Variants in DOK6 observed in about 807,000 individuals in gnomAD.
DOK6 encodes downstream of tyrosine kinase 6.
DOK6 carries 22 observed loss-of-function variants against 44.0 expected under a neutral mutation model. The observed-to-expected ratio is 0.50, with a 90% CI of 0.36 to 0.71. The LOEUF is 0.71. Among genes scored for constraint, DOK6 ranks in the 30% least tolerant of loss-of-function variants. The probability of loss-of-function intolerance (pLI) is 0.00; values close to 1 mark genes in which losing one functional copy is unlikely to be tolerated. For synonymous variants in DOK6, 166 were observed against 145.5 expected (o/e 1.14, Z -1.01); for missense variants, 340 against 416.4 (o/e 0.82, Z 1.60).
At chr18:69,625,476 G>A (rs1047887428) in intron 3 of DOK6, among the ~76,000 whole-genome samples, 2 of 152,152 alleles carry the variant, frequency 1.3e-5, no homozygotes, top group African/African-American at 4.8e-5. Flanking sequence ...CCTATACCTA[G>A]CTAGCATTGC....
intron 1 of DOK6, among the ~76,000 whole-genome samples, chr18:69,495,452 G>A (rs1980856067): frequency 6.6e-6 from 1 of 152,226 alleles, no homozygotes; most frequent in Admixed American, 6.5e-5. Flanking sequence ...GAATACCTCA[G>A]AGGAGGCCCT....
At chr18:69,705,918 TAA>T (rs34296321) in intron 5 of DOK6, among the ~76,000 whole-genome samples, 204 of 145,802 alleles carry the variant, frequency 1.4e-3, no homozygotes, top group South Asian at 2.6e-3. Context: ...TAAATGTGAT[TAA>T]AAAAAAAAAA....
intron 5 of DOK6, among the ~76,000 whole-genome samples, chr18:69,728,728 T>C (rs1413526633): frequency 6.6e-6 from 1 of 152,204 alleles, no homozygotes; most frequent in Non-Finnish European, 1.5e-5. Flanking sequence ...AAGGTCTCCT[T>C]GGATCTGCTG....
chr18:69,684,168 A>G (rs1270727508), intron 4 of DOK6, among the ~76,000 whole-genome samples: 2 of 152,196 alleles, frequency 1.3e-5, no homozygotes, highest in African/African-American at 4.8e-5. Flanking sequence ...GACACCACCT[A>G]TAAATTTGAA....
intron 3 of DOK6, chr18:69,662,455 G>A (rs1204929514): frequency 6.6e-6 from 1 of 152,184 alleles, no homozygotes; most frequent in East Asian, 1.9e-4. Context: ...AAAGCACTTT[G>A]AAAATGTTTT....
At chr18:69,449,077 T>G (rs893589671) in intron 1 of DOK6, among the ~76,000 whole-genome samples, 2 of 152,242 alleles carry the variant, frequency 1.3e-5, no homozygotes, top group African/African-American at 2.4e-5. Flanking sequence ...ATCCTAGAGA[T>G]CTTTCGCTCT....
intron 2 of DOK6, among the ~76,000 whole-genome samples, chr18:69,574,261 A>G (rs759861197): frequency 6.6e-6 from 1 of 152,004 alleles, no homozygotes; most frequent in Non-Finnish European, 1.5e-5. Flanking sequence ...GACCAGGAGG[A>G]GACTTGACTA....
chr18:69,614,520 C>T (rs990079649), intron 3 of DOK6, among the ~76,000 whole-genome samples: 7 of 148,916 alleles, frequency 4.7e-5, no homozygotes, highest in South Asian at 2.1e-4. Flanking sequence ...TGTCACTTCA[C>T]GTAATTATCA....
chr18:69,473,830 C>T (rs9956254), intron 1 of DOK6, among the ~76,000 whole-genome samples: 1 of 152,048 alleles, frequency 6.6e-6, no homozygotes, highest in Non-Finnish European at 1.5e-5. Flanking sequence ...CTGTCTCCTA[C>T]GATTACAAAT....
At chr18:69,556,871 C>T (rs1048161622) in intron 1 of DOK6, among the ~76,000 whole-genome samples, 2 of 152,200 alleles carry the variant, frequency 1.3e-5, no homozygotes, top group East Asian at 1.9e-4. Context: ...GCACTGACTA[C>T]TTTTTTACAC....
intron 3 of DOK6, among the ~76,000 whole-genome samples, chr18:69,638,120 A>G (rs887197562): frequency 3.3e-5 from 5 of 152,260 alleles, no homozygotes; most frequent in African/African-American, 1.2e-4. Flanking sequence ...TAAGTCAGAT[A>G]GTAAACATTT....
chr18:69,627,973 A>G (rs1195007779), intron 3 of DOK6, among the ~76,000 whole-genome samples: 1 of 152,260 alleles, frequency 6.6e-6, no homozygotes, highest in African/African-American at 2.4e-5. Context: ...TAGAAAAGAT[A>G]AAATCCTCAT....
At chr18:69,635,217 C>T (rs891021544) in intron 3 of DOK6, among the ~76,000 whole-genome samples, 3 of 151,914 alleles carry the variant, frequency 2.0e-5, no homozygotes, top group South Asian at 2.1e-4. Flanking sequence ...GGGATGTTAA[C>T]GAGCCATAGT....
At chr18:69,735,372 T>A (rs1978569419) in intron 5 of DOK6, among the ~76,000 whole-genome samples, 1 of 152,204 alleles carries the variant, frequency 6.6e-6, no homozygotes, top group African/African-American at 2.4e-5. Context: ...TCTAGAAGAC[T>A]CACAAGACTC....
rs182439910 is a variant in DOK6, at chr18:69,623,040, C to T, written c.289+23542C>T. Among the ~76,000 whole-genome samples the T allele has an allele frequency of 1.2e-4, 18 of 152,192 alleles. No individual in the cohort carries two copies. The East Asian group carries it at 1.4e-3, about 11-fold the overall frequency. On this transcript the variant is annotated intron_variant, in intron 3 of 7. Coordinates refer to ENST00000382713, the MANE Select transcript of DOK6 (RefSeq NM_152721.6). The stretch of plus-strand genomic sequence containing the variant: ...CCTCAGTGTTGGAGGCCTGGTGGGA[C>T]GTGATTGAATTATGGGGGGTGGACT...
intron 5 of DOK6, among the ~76,000 whole-genome samples, chr18:69,706,173 G>T (rs1277570903): frequency 6.6e-6 from 1 of 152,170 alleles, no homozygotes; most frequent in African/African-American, 2.4e-5. Flanking sequence ...TTTATGACAA[G>T]AGACAGTTTT....
chr18:69,575,277 A>G (rs1310206466), intron 2 of DOK6, among the ~76,000 whole-genome samples: 1 of 152,076 alleles, frequency 6.6e-6, no homozygotes, highest in East Asian at 1.9e-4. Flanking sequence ...GAAAAATGTC[A>G]TCCTTGGCAT....
chr18:69,461,411 G>A (rs907294416), intron 1 of DOK6, among the ~76,000 whole-genome samples: 1 of 152,134 alleles, frequency 6.6e-6, no homozygotes, highest in East Asian at 1.9e-4. Context: ...GGGAACAGCT[G>A]GCAGGGGCTC....
At chr18:69,532,004 GA>G (rs1981999634) in intron 1 of DOK6, among the ~76,000 whole-genome samples, 3 of 151,968 alleles carry the variant, frequency 2.0e-5, no homozygotes, top group Admixed American at 2.0e-4. Context: ...ATAAATATAG[GA>G]AAAAACACCA....
Sources: gnomAD v4.1 joint callset for allele counts (sites outside exome capture counted in the v4.1 genomes callset) on GRCh38, gnomAD v4.1.1 for gene constraint, MANE v1.5 for transcripts, NCBI Gene and HGNC (gene_info 2026-07-23, HGNC 2026-07-21) for gene names.